Variants in ATP5F1D observed in about 807,000 individuals in gnomAD.
The protein encoded by ATP5F1D is ATP synthase F(1) complex subunit delta, mitochondrial.
Under a neutral mutation model 13.0 loss-of-function variants are expected in ATP5F1D, and 16 were observed. The observed-to-expected ratio is 1.23, with a 90% CI of 0.83 to 1.87. The LOEUF is 1.87. Ranked by LOEUF, ATP5F1D falls within the 40% of genes most tolerant of loss-of-function variation. ATP5F1D has a pLI of 0.00. For synonymous variants in ATP5F1D, 129 were observed against 116.2 expected, an observed-to-expected ratio of 1.11 and a Z score of -0.71; for missense variants, 294 against 246.2, an observed-to-expected ratio of 1.19 and a Z score of -1.30.
chr19:1,242,024 C>T (rs1228484625), intron 1 of ATP5F1D, 33 bp downstream of exon 1: 1 of 1,368,272 alleles, frequency 7.3e-7, no homozygotes, highest in Non-Finnish European at 9.5e-7. Context: ...CCCTCCGTGG[C>T]CGCCGCCCCC....
intron 2 of ATP5F1D, 129 bp from the exon 3 acceptor site, chr19:1,243,968 A>C: frequency 2.1e-6 from 2 of 958,676 alleles, no homozygotes; most frequent in South Asian, 1.6e-5. Flanking sequence ...CTGTTTGCAC[A>C]CTCAGGACAC....
intron 1 of ATP5F1D, 38 bp from the exon 2 acceptor site, chr19:1,242,418 G>A (rs765121709): frequency 2.0e-6 from 3 of 1,469,026 alleles, no homozygotes; most frequent in East Asian, 2.6e-5. Flanking sequence ...CGCGGGGCCG[G>A]CCTGCCCCGC....
chr19:1,244,597 C>A lies in ATP5F1D; in HGVS notation c.*160C>A. ...CTTCTGCCTGGGCCCCAGGCCCTGCCTGTGTTGAAAGCTCTGGGGACTGGG... is the reference window on the plus strand; with the variant it reads ...CTTCTGCCTGGGCCCCAGGCCCTGCATGTGTTGAAAGCTCTGGGGACTGGG... On this transcript the variant is annotated 3_prime_UTR_variant, in exon 4 of 4. Coordinates refer to ENST00000215375, the MANE Select transcript of ATP5F1D (RefSeq NM_001687.5). The A allele has an allele frequency of 8.3e-7, 1 of 1,199,894 alleles. No homozygotes were observed. The highest frequency in any genetic ancestry group is 1.1e-6 in the Non-Finnish European group (1 of 873,824). 74.3% of individuals were successfully genotyped at this position (1,199,894 alleles called of 1,614,324 possible).
At position 1,242,557 on chromosome 19, in the gene ATP5F1D, G is replaced by A; in HGVS notation, c.243G>A (p.Arg81=). The A allele has an allele frequency of 6.5e-7, 1 of 1,546,006 alleles. No homozygotes were observed. The highest frequency in any genetic ancestry group is 8.7e-7 in the Non-Finnish European group (1 of 1,144,392). Residue 81 remains arginine (R), a synonymous_variant, in exon 2 of 4, where the codon CGG becomes CGA. Transcript: ENST00000215375. ...ACGTGCCCACGCTGCAGGTCCTGCG[G>A]CCGGGGCTGGTCGTGGTGCATGCAG... ...AAHVPTLQVL[R]PGLVVVHAED...
chr19:1,241,998 G>T lies in ATP5F1D; in HGVS notation c.141+7G>T, dbSNP rs1243755805. 4.9e-6 allele frequency: 7 copies of T among 1,435,194 alleles called. No individual in the cohort carries two copies. The highest frequency in any genetic ancestry group is 6.4e-6 in the Non-Finnish European group (7 of 1,092,584). The allele number at this position is 1,435,194 out of a possible 1,614,324, so 88.9% of individuals were successfully genotyped here. ...CTTCGCCTCTCCCACGCAGGTTCGG[G>T]CGCTGCGGGTCGGGACCCTCCGTGG... On this transcript the variant is annotated splice_region_variant and intron_variant, in intron 1 of 3. Transcript: ENST00000215375.
chr19:1,244,154 A>G lies in ATP5F1D; in HGVS notation c.353A>G (p.Glu118Gly). ...ADSSVQLLAE[E>G]AVTLDMLDLG... Reference sequence around the variant, plus strand: ...TCTTCGGTGCAGTTGTTGGCCGAAGAGGCCGTGACGCTGGACATGTTGGAC... The same window carrying G: ...TCTTCGGTGCAGTTGTTGGCCGAAGGGGCCGTGACGCTGGACATGTTGGAC... The change falls in exon 3 of 4, where the codon GAG (glutamate) becomes GGG (glycine). Residue 118 changes from glutamate (E) to glycine (G), a missense_variant. Physicochemically the swap from Glu to Gly is moderately conservative, Grantham distance 98. Coordinates refer to ENST00000215375, the MANE Select transcript of ATP5F1D (RefSeq NM_001687.5). 1 of 1,612,460 alleles carries G rather than the reference A, an allele frequency of 6.2e-7. No homozygotes were observed. Among genetic ancestry groups the G allele is most frequent in the South Asian group, 1.1e-5 (1 of 90,852 alleles).
Position 1,242,049 on chromosome 19 carries a change from C to T in ATP5F1D, c.141+58C>T, listed in dbSNP as rs2074513. ...CCGCCGCCCCCGGAGTCCAGGGTCC[C>T]CACCCCCAGGGCGCGACCCCCGCTT... On this transcript the variant is annotated intron_variant, in intron 1 of 3. Coordinates refer to ENST00000215375, the MANE Select transcript of ATP5F1D (RefSeq NM_001687.5). 251,949 of 1,328,594 alleles carry T rather than the reference C, an allele frequency of 0.19. 24,996 individuals are homozygous for T. Among genetic ancestry groups the T allele is most frequent in the East Asian group, 0.32 (10,997 of 34,820 alleles). 82.3% of individuals were successfully genotyped at this position (1,328,594 alleles called of 1,614,324 possible). A position where few individuals can be genotyped will look rare whatever the true frequency, so the allele number is the denominator to read the frequency against.
Position 1,242,603 on chromosome 19 carries a change from T to C in ATP5F1D, c.289T>C (p.Tyr97His). 1.3e-6 allele frequency: 2 copies of C among 1,517,974 alleles called. No individual in the cohort carries two copies. Among genetic ancestry groups the C allele is most frequent in the South Asian group, 1.2e-5 (1 of 81,462 alleles). 94.0% of individuals were successfully genotyped at this position (1,517,974 alleles called of 1,614,324 possible). A position where few individuals can be genotyped will look rare whatever the true frequency, so the allele number is the denominator to read the frequency against. The change falls in exon 2 of 4, where the codon TAC (tyrosine) becomes CAC (histidine). Residue 97 changes from tyrosine to histidine, a missense_variant. By Grantham distance (83) the Tyr-to-His change is moderately conservative (BLOSUM62 2). Coordinates refer to ENST00000215375, the MANE Select transcript of ATP5F1D (RefSeq NM_001687.5). ...TGCAGAGGACGGCACCACCTCCAAA[T>C]ACTTTGGTGAGTCCGGTGGAGGGCT... ...VHAEDGTTSK[Y>H]FVSSGSIAVN...
In ATP5F1D at chr19:1,244,560, G is replaced by A. The variant is rs1416055453; in HGVS notation, c.*123G>A. ...CGCGCCTGCCAAGGAGGCCACCAGA[G>A]GGCAGTGCAGGCTTCTGCCTGGGCC... On this transcript the variant is annotated 3_prime_UTR_variant, in exon 4 of 4. Transcript: ENST00000215375. 3.5e-6 allele frequency: 5 copies of A among 1,412,312 alleles called. No homozygotes were observed. The highest frequency in any genetic ancestry group is 4.7e-6 in the Non-Finnish European group (5 of 1,055,200). 87.5% of individuals were successfully genotyped at this position (1,412,312 alleles called of 1,614,324 possible). A position where few individuals can be genotyped will look rare whatever the true frequency, so the allele number is the denominator to read the frequency against.
intron 1 of ATP5F1D, 76 bp from the exon 2 acceptor site, chr19:1,242,380 T>C: frequency 7.0e-7 from 1 of 1,424,848 alleles, no homozygotes; most frequent in Non-Finnish European, 9.3e-7. Context: ...ACCCATTACT[T>C]AGCAGGACAG....
rs1210324610 is a variant in ATP5F1D at position 1,244,516 on chromosome 19, C to T, written c.*79C>T. On this transcript the variant is annotated 3_prime_UTR_variant, in exon 4 of 4. Coordinates refer to ENST00000215375, the MANE Select transcript of ATP5F1D (RefSeq NM_001687.5). ...GGTGGGCCCAGCCAGCTCCTGGGGT[C>T]CCGGCCACCTGGGGAAGCCGCGCCT... The T allele has an allele frequency of 1.3e-6, 2 of 1,503,594 alleles. No homozygotes were observed. The highest frequency in any genetic ancestry group is 1.8e-6 in the Non-Finnish European group (2 of 1,121,646). The allele number at this position is 1,503,594 out of a possible 1,614,324, so 93.1% of individuals were successfully genotyped here.
At position 1,244,384 on chromosome 19, in the gene ATP5F1D, G is replaced by A. The variant is rs747636949; in HGVS notation, c.454G>A (p.Glu152Lys). 31 of 1,576,082 alleles carry A rather than the reference G, an allele frequency of 2.0e-5. No homozygotes were observed. The highest frequency in any genetic ancestry group is 2.5e-5 in the Non-Finnish European group (29 of 1,161,034). The change falls in exon 4 of 4, where the codon GAG (glutamate) becomes AAG (lysine). Residue 152 changes from glutamate to lysine, a missense_variant. Physicochemically the swap from Glu to Lys is moderately conservative, Grantham distance 56. Transcript: ENST00000215375. ...VGTADEATRA[E>K]IQIRIEANEA... is the part of the protein sequence containing the mutation. ...GACAGCTGACGAGGCCACGCGGGCA[G>A]AGATCCAGATCCGAATCGAGGCCAA... is the stretch of plus-strand genomic sequence containing the variant.
chr19:1,244,134 G>T lies in ATP5F1D; in HGVS notation c.333G>T (p.Ser111=), dbSNP rs374953461. The T allele has an allele frequency of 1.2e-6, 2 of 1,612,030 alleles. No homozygotes were observed. Among genetic ancestry groups the T allele is most frequent in the East Asian group, 2.2e-5 (1 of 44,792 alleles). The change falls in exon 3 of 4, where the codon TCG becomes TCT. Residue 111 remains serine, a synonymous_variant. Transcript: ENST00000215375. ...CCATCGCAGTGAACGCCGACTCTTC[G>T]GTGCAGTTGTTGGCCGAAGAGGCCG... ...SGSIAVNADS[S]VQLLAEEAVT...
intron 2 of ATP5F1D, among the ~76,000 whole-genome samples, chr19:1,243,549 G>A (rs780819775): frequency 1.3e-5 from 2 of 151,934 alleles, no homozygotes; most frequent in South Asian, 2.1e-4. Flanking sequence ...CCAGCTACTC[G>A]GGAGGCTGAA....
At chr19:1,242,640 CCAGGCTGGGGCTCCACATCCCAGGTCAGT>C (rs1287734043) in intron 2 of ATP5F1D, 31 bp downstream of exon 2, 1 of 1,467,918 alleles carries the variant, frequency 6.8e-7, no homozygotes, top group East Asian at 2.7e-5. Context: ...CAGGGCCAGG[CCAGGCTGGGGCTCCACATCCCAGGTCAGT>C]CTCCGTCTCA....
chr19:1,244,731 C>A lies in ATP5F1D; in HGVS notation c.*294C>A. On this transcript the variant is annotated 3_prime_UTR_variant, in exon 4 of 4. Transcript: ENST00000215375. ...CGGGCCGCTTACCATCCCCTCTGCC[C>A]TGCAGAGCCAGCCGCCAAGGTTGAC... 1 of 379,292 alleles carries A rather than the reference C, an allele frequency of 2.6e-6. No individual in the cohort carries two copies. Among genetic ancestry groups the A allele is most frequent in the Non-Finnish European group, 4.8e-6 (1 of 208,976 alleles). 23.5% of individuals were successfully genotyped at this position (379,292 alleles called of 1,614,324 possible). A position where few individuals can be genotyped will look rare whatever the true frequency, so the allele number is the denominator to read the frequency against.
At chr19:1,242,837 A>G (rs1243848103) in intron 2 of ATP5F1D, 4 of 418,588 alleles carry the variant, frequency 9.6e-6, no homozygotes, top group Admixed American at 4.8e-5. Flanking sequence ...CTAAAAATAC[A>G]GAAAACTGGC....
At position 1,242,624 on chromosome 19, in the gene ATP5F1D, G is replaced by C. The variant is rs1469597103; in HGVS notation, c.295+15G>C. ...CAAATACTTTGGTGAGTCCGGTGGA[G>C]GGCTGCAGGGCCAGGCCAGGCTGGG... On this transcript the variant is annotated intron_variant, in intron 2 of 3. Transcript: ENST00000215375. 2 of 1,492,402 alleles carry C rather than the reference G, an allele frequency of 1.3e-6. No individual in the cohort carries two copies. The highest frequency in any genetic ancestry group is 2.8e-5 in the African/African-American group (2 of 70,996). 92.4% of individuals were successfully genotyped at this position (1,492,402 alleles called of 1,614,324 possible). A position where few individuals can be genotyped will look rare whatever the true frequency, so the allele number is the denominator to read the frequency against.
At position 1,242,535 on chromosome 19, in the gene ATP5F1D, T is replaced by TGCCCACGC; in HGVS notation, c.222_229dup (p.Leu77ArgfsTer26). The stretch of plus-strand genomic sequence containing the variant: ...GCCTTCGGCATCCTGGCGGCCCACG[T>TGCCCACGC]GCCCACGCTGCAGGTCCTGCGGCCG... On this transcript the variant is annotated frameshift_variant, in exon 2 of 4. Transcript: ENST00000215375. LOFTEE classifies it high-confidence loss of function. 6.5e-7 allele frequency: 1 copy of TGCCCACGC among 1,548,430 alleles called. No homozygotes were observed. Among genetic ancestry groups the TGCCCACGC allele is most frequent in the South Asian group, 1.2e-5 (1 of 83,770 alleles).
Sources: gnomAD v4.1 joint callset for allele counts (sites outside exome capture counted in the v4.1 genomes callset) on GRCh38, gnomAD v4.1.1 for gene constraint, MANE v1.5 for transcripts, NCBI Gene and HGNC (gene_info 2026-07-23, HGNC 2026-07-21) for gene names.